Variants in GRID1 observed in about 807,000 individuals in gnomAD.
GRID1 encodes glutamate receptor ionotropic, delta-1.
A neutral mutation model predicts 98.0 loss-of-function variants in GRID1; 28 were observed. The observed-to-expected ratio is 0.29, with a 90% CI of 0.21 to 0.39. The LOEUF is 0.39. Ranked by LOEUF, GRID1 falls within the 10% of genes least tolerant of loss-of-function variation. The pLI is 1.00. For synonymous variants in GRID1, 553 were observed against 538.5 expected (o/e 1.03, Z -0.37); for missense variants, 1,111 against 1,340.5 (o/e 0.83, Z 2.67).
intron 1 of GRID1, among the ~76,000 whole-genome samples, chr10:86,364,744 C>T (rs11201999): frequency 0.57 from 87,019 of 152,130 alleles, 27,252 homozygotes; most frequent in African/African-American, 0.82. Flanking sequence ...ATTTCCTGTA[C>T]GTCTGTCGAG....
chr10:85,753,002 C>A (rs946293902), intron 8 of GRID1, among the ~76,000 whole-genome samples: 38 of 152,296 alleles, frequency 2.5e-4, no homozygotes, highest in African/African-American at 8.9e-4. Context: ...ACTTTTCCCT[C>A]GGGTATCTCA....
At chr10:85,957,894 C>G (rs1260414216) in intron 4 of GRID1, among the ~76,000 whole-genome samples, 1 of 152,220 alleles carries the variant, frequency 6.6e-6, no homozygotes, top group Non-Finnish European at 1.5e-5. Flanking sequence ...CCTCTGCAAA[C>G]CTGGCTGTCA....
intron 4 of GRID1, among the ~76,000 whole-genome samples, chr10:86,110,265 C>T (rs1303982389): frequency 1.3e-5 from 2 of 152,170 alleles, no homozygotes; most frequent in African/African-American, 4.8e-5. Context: ...TGAGCCACCG[C>T]CCCCGGCCTT....
chr10:85,846,927 A>G (rs184911730), intron 8 of GRID1, among the ~76,000 whole-genome samples: 111 of 152,358 alleles, frequency 7.3e-4, no homozygotes, highest in African/African-American at 2.5e-3. Context: ...TGTACAGTCA[A>G]ATTCTTTCCA....
chr10:85,775,172 T>C (rs1170966959), intron 8 of GRID1, among the ~76,000 whole-genome samples: 1 of 152,152 alleles, frequency 6.6e-6, no homozygotes, highest in Non-Finnish European at 1.5e-5. Context: ...TCATGTCCTT[T>C]GTAGGGATAT....
intron 4 of GRID1, among the ~76,000 whole-genome samples, chr10:86,114,373 G>A (rs1042652289): frequency 6.6e-6 from 1 of 152,064 alleles, no homozygotes; most frequent in Non-Finnish European, 1.5e-5. Context: ...TGGCAGTCAG[G>A]GAACACCACA....
intron 2 of GRID1, among the ~76,000 whole-genome samples, chr10:86,262,785 G>A (rs1346766837): frequency 6.6e-6 from 1 of 152,138 alleles, no homozygotes; most frequent in South Asian, 2.1e-4. Flanking sequence ...TTCCAACCCC[G>A]ATTCTGCCAG....
chr10:85,694,980 T>C (rs1469882309), intron 12 of GRID1, among the ~76,000 whole-genome samples: 1 of 151,774 alleles, frequency 6.6e-6, no homozygotes, highest in African/African-American at 2.4e-5. Context: ...ATAATAACAA[T>C]AGAGGAAAGT....
At chr10:86,103,260 G>A (rs538797607) in intron 4 of GRID1, among the ~76,000 whole-genome samples, 2 of 152,180 alleles carry the variant, frequency 1.3e-5, no homozygotes, top group African/African-American at 4.8e-5. Flanking sequence ...AGCCAGGATA[G>A]AGGACAGCAC....
intron 4 of GRID1, among the ~76,000 whole-genome samples, chr10:85,952,929 C>T (rs1375674529): frequency 6.6e-6 from 1 of 152,122 alleles, no homozygotes; most frequent in Non-Finnish European, 1.5e-5. Flanking sequence ...AGGGTAAAAA[C>T]ATTTATGATG....
chr10:85,910,052 G>T (rs966749623), intron 5 of GRID1, among the ~76,000 whole-genome samples: 1 of 152,206 alleles, frequency 6.6e-6, no homozygotes, highest in African/African-American at 2.4e-5. Flanking sequence ...GTTCTGAGCT[G>T]GGACTACAGA....
chr10:85,688,607 T>C (rs1012282666), intron 12 of GRID1, among the ~76,000 whole-genome samples: 4 of 152,178 alleles, frequency 2.6e-5, no homozygotes, highest in African/African-American at 9.7e-5. Flanking sequence ...AGAGGAGACT[T>C]TGAGGCATAT....
At chr10:85,630,473 G>T (rs1034761526) in intron 13 of GRID1, among the ~76,000 whole-genome samples, 2 of 152,164 alleles carry the variant, frequency 1.3e-5, no homozygotes, top group East Asian at 3.8e-4. Flanking sequence ...ATAACAACGC[G>T]AGTGCCTTGG....
At chr10:86,153,606 C>G (rs1280589738) in intron 3 of GRID1, among the ~76,000 whole-genome samples, 1 of 152,124 alleles carries the variant, frequency 6.6e-6, no homozygotes, top group African/African-American at 2.4e-5. Flanking sequence ...TGGTGGTCAG[C>G]AGAGGCCAGG....
intron 5 of GRID1, among the ~76,000 whole-genome samples, chr10:85,878,548 T>C (rs2131800833): frequency 6.6e-6 from 1 of 152,178 alleles, no homozygotes; most frequent in Non-Finnish European, 1.5e-5. Context: ...AGAAATAAAA[T>C]ACTTTACAGA....
In GRID1 at chr10:86,328,959, A is replaced by G. The variant is rs200327775; in HGVS notation, c.235+34982T>C. ...AGTAAGTCCAAGACCTGGGATTTTGAGGGCTGAACTGGGGACACCCAAGGC... is the reference window on the plus strand; with the variant it reads ...AGTAAGTCCAAGACCTGGGATTTTGGGGGCTGAACTGGGGACACCCAAGGC... On this transcript the variant is annotated intron_variant, in intron 2 of 15. Coordinates refer to ENST00000327946, the MANE Select transcript of GRID1 (RefSeq NM_017551.3). 5.9e-5 allele frequency among the ~76,000 whole-genome samples: 9 copies of G among 152,030 alleles called. No homozygotes were observed. The East Asian group carries it at 1.5e-3, about 26-fold the overall frequency.
At chr10:85,775,596 T>C (rs1307607763) in intron 8 of GRID1, among the ~76,000 whole-genome samples, 1 of 152,188 alleles carries the variant, frequency 6.6e-6, no homozygotes, top group South Asian at 2.1e-4. Flanking sequence ...CTATGCTCAC[T>C]ACCTAGGTAA....
At chr10:86,346,896 C>T (rs1273174640) in intron 2 of GRID1, among the ~76,000 whole-genome samples, 1 of 152,176 alleles carries the variant, frequency 6.6e-6, no homozygotes, top group African/African-American at 2.4e-5. Flanking sequence ...AGAGGCCTCC[C>T]GGCTGGGGAA....
Position 85,602,499 on chromosome 10 carries a change from C to A in GRID1, c.2804G>T (p.Ser935Ile). Residue 935 changes from serine (S) to isoleucine (I), a missense_variant, in exon 16 of 16, where the codon AGC becomes ATC. Physicochemically the swap from Ser to Ile is moderately radical, Grantham distance 142. Coordinates refer to ENST00000327946, the MANE Select transcript of GRID1 (RefSeq NM_017551.3). ...GAGTGTCCGGCTGGTGCCATGGCTG[C>A]TCTGCTCTGGCAGAAAGGTGCTGAC... Reference protein sequence around the residue: ...LSVSTFLPEQSSHGTSRTLSS... With the variant: ...LSVSTFLPEQISHGTSRTLSS... 6.2e-7 allele frequency: 1 copy of A among 1,614,104 alleles called. No individual in the cohort carries two copies. The highest frequency in any genetic ancestry group is 8.5e-7 in the Non-Finnish European group (1 of 1,180,012).
Sources: allele counts gnomAD v4.1 joint callset (sites outside exome capture counted in the v4.1 genomes callset), GRCh38; gene constraint gnomAD v4.1.1; transcripts MANE v1.5; gene names NCBI Gene and HGNC (gene_info 2026-07-23, HGNC 2026-07-21).